NDRG1: variants seen among roughly 807,000 people sequenced by gnomAD.
The protein encoded by NDRG1 is protein NDRG1.
Under a neutral mutation model 56.9 loss-of-function variants are expected in NDRG1, and 32 were observed. That is an observed-to-expected ratio of 0.56 (90% CI 0.42 to 0.76). NDRG1 has a LOEUF of 0.76. NDRG1 is among the 30% of genes least tolerant of loss of function. The pLI, the probability that NDRG1 is intolerant of heterozygous loss-of-function variation, is 0.00. For synonymous variants in NDRG1, 211 were observed against 204.1 expected (o/e 1.03, Z -0.29); for missense variants, 507 against 545.7 (o/e 0.93, Z 0.71).
Position 133,238,552 on chromosome 8 carries a change from T to G in NDRG1, c.*326A>C. 2.5e-6 allele frequency: 1 copy of G among 393,702 alleles called. No individual in the cohort carries two copies. Among genetic ancestry groups the G allele is most frequent in the Non-Finnish European group, 4.6e-6 (1 of 218,418 alleles). The allele number at this position is 393,702 out of a possible 1,614,324, so 24.4% of individuals were successfully genotyped here. A position where few individuals can be genotyped will look rare whatever the true frequency, so the allele number is the denominator to read the frequency against. ...TCAGGGCGGCCTAGGCTTGGCTTTG[T>G]GAAGTGTGTGCTGCTACGCGTCTTG... is the stretch of plus-strand genomic sequence containing the variant. On this transcript the variant is annotated 3_prime_UTR_variant, in exon 16 of 16. Transcript: ENST00000323851.
At chr8:133,294,614 C>T (rs1259460635) in intron 1 of NDRG1, among the ~76,000 whole-genome samples, 1 of 151,652 alleles carries the variant, frequency 6.6e-6, no homozygotes, top group African/African-American at 2.4e-5. Context: ...TTCAGGCCAG[C>T]GGATTTCAAC....
intron 9 of NDRG1, among the ~76,000 whole-genome samples, chr8:133,254,239 G>A (rs190824543): frequency 1.3e-5 from 2 of 152,322 alleles, no homozygotes; most frequent in African/African-American, 2.4e-5. Flanking sequence ...TGATGGAGAC[G>A]TTATTCTCCT....
At chr8:133,296,515 G>A (rs1451337724) in intron 1 of NDRG1, 1 of 455,492 alleles carries the variant, frequency 2.2e-6, no homozygotes, top group South Asian at 1.6e-5. Flanking sequence ...CATGCACACC[G>A]CCCTGTGTGT....
In NDRG1 at chr8:133,238,591, G is replaced by C. The variant is rs1461515970; in HGVS notation, c.*287C>G. The C allele has an allele frequency of 1.9e-6, 1 of 515,568 alleles. No homozygotes were observed. The highest frequency in any genetic ancestry group is 3.4e-6 in the Non-Finnish European group (1 of 290,172). 31.9% of individuals were successfully genotyped at this position (515,568 alleles called of 1,614,324 possible). A position where few individuals can be genotyped will look rare whatever the true frequency, so the allele number is the denominator to read the frequency against. On this transcript the variant is annotated 3_prime_UTR_variant, in exon 16 of 16. Coordinates refer to ENST00000323851, the MANE Select transcript of NDRG1 (RefSeq NM_006096.4). ...CTACGCGTCTTGTTTTTGGCAGTTTGGTGTCTCTGAGGGAGGGGAGGAGAG... is the reference window on the plus strand; with the variant it reads ...CTACGCGTCTTGTTTTTGGCAGTTTCGTGTCTCTGAGGGAGGGGAGGAGAG...
intron 15 of NDRG1, chr8:133,239,418 T>G (rs1415268125): frequency 3.5e-6 from 2 of 567,230 alleles, no homozygotes; most frequent in Admixed American, 6.1e-5. Context: ...AGTGTCCCCC[T>G]GAGCCTCCCT....
chr8:133,257,935 G>A (rs1276481706), intron 7 of NDRG1, among the ~76,000 whole-genome samples: 1 of 152,118 alleles, frequency 6.6e-6, no homozygotes, highest in Non-Finnish European at 1.5e-5. Context: ...AGGATACAAA[G>A]GAACAGTGGC....
intron 3 of NDRG1, among the ~76,000 whole-genome samples, chr8:133,267,237 C>T (rs898858530): frequency 3.9e-5 from 6 of 152,194 alleles, no homozygotes; most frequent in South Asian, 2.1e-4. Context: ...CCACTTCACT[C>T]GCCTGCCCTG....
chr8:133,263,347 C>T (rs1856751151), intron 4 of NDRG1, among the ~76,000 whole-genome samples: 1 of 152,148 alleles, frequency 6.6e-6, no homozygotes, highest in African/African-American at 2.4e-5. Context: ...GAAAATCAGG[C>T]AGTCCATCGT....
chr8:133,259,806 G>A (rs182083608), intron 5 of NDRG1, among the ~76,000 whole-genome samples: 11 of 152,282 alleles, frequency 7.2e-5, no homozygotes, highest in East Asian at 1.9e-4. Flanking sequence ...GCCAGCCCTC[G>A]AGTCAACAGA....
intron 3 of NDRG1, among the ~76,000 whole-genome samples, chr8:133,276,016 G>C (rs1857437844): frequency 6.6e-6 from 1 of 152,206 alleles, no homozygotes; most frequent in Non-Finnish European, 1.5e-5. Flanking sequence ...GTGGGCATTT[G>C]TTAAAGAAAT....
chr8:133,257,595 C>G (rs1023695480), intron 7 of NDRG1, among the ~76,000 whole-genome samples: 1 of 152,232 alleles, frequency 6.6e-6, no homozygotes. Flanking sequence ...AAAAATGGTA[C>G]AGTAAAAATG....
intron 14 of NDRG1, among the ~76,000 whole-genome samples, chr8:133,242,766 TA>T (rs754212283): frequency 2.1e-5 from 3 of 141,786 alleles, no homozygotes; most frequent in African/African-American, 8.1e-5. Context: ...AAAGATGGAT[TA>T]AAAAAAGAAT....
chr8:133,265,126 C>T (rs980376685), intron 3 of NDRG1: 8 of 242,796 alleles, frequency 3.3e-5, no homozygotes, highest in Middle Eastern at 1.6e-3. Flanking sequence ...CAACCCTCAC[C>T]CTCAGTCCTA....
intron 5 of NDRG1, 52 bp from the exon 6 acceptor site, chr8:133,259,282 A>G: frequency 6.4e-7 from 1 of 1,560,552 alleles, no homozygotes; most frequent in African/African-American, 1.4e-5. Flanking sequence ...GAAACGGGTA[A>G]TCCAAACAGG....
intron 4 of NDRG1, among the ~76,000 whole-genome samples, chr8:133,263,871 G>A (rs1213253579): frequency 6.2e-5 from 9 of 144,134 alleles, no homozygotes; most frequent in African/African-American, 1.3e-4. Flanking sequence ...AGCCACGATC[G>A]CACCACTGCA....
rs565272123 is a variant in NDRG1 at position 133,274,019 on chromosome 8, C to T, written c.99+6213G>A. Among the ~76,000 whole-genome samples, 7 of 152,340 alleles carry T rather than the reference C, an allele frequency of 4.6e-5. No homozygotes were observed. In the South Asian group the frequency reaches 1.0e-3, roughly 23 times the overall value. On this transcript the variant is annotated intron_variant, in intron 3 of 15. Transcript: ENST00000323851. ...AACCCGGACACCTAGGCCAGCAGCC[C>T]GCCCACCCCGTGCCCTGAGGGTTCT...
rs2272653 is a variant in NDRG1, at chr8:133,280,273, A to G, written c.64-6T>C. 0.57 allele frequency: 915,069 copies of G among 1,612,932 alleles called. 265,351 individuals are homozygous for G. Among genetic ancestry groups the G allele is most frequent in the African/African-American group, 0.87 (65,211 of 74,968 alleles). On this transcript the variant is annotated splice_polypyrimidine_tract_variant and splice_region_variant and intron_variant, in intron 2 of 15. Transcript: ENST00000323851. ...TGCAGGAGGCCGGTGATGGTCTGTG[A>G]AAAGACAAAAAAAATTGTCAATTTC... is the stretch of plus-strand genomic sequence containing the variant.
intron 3 of NDRG1, among the ~76,000 whole-genome samples, chr8:133,274,779 G>C (rs189697626): frequency 6.6e-6 from 1 of 152,154 alleles, no homozygotes; most frequent in African/African-American, 2.4e-5. Flanking sequence ...CAAGCATCAC[G>C]GTTGAGAGAA....
At chr8:133,296,017 G>A (rs1858729516) in intron 1 of NDRG1, among the ~76,000 whole-genome samples, 1 of 151,910 alleles carries the variant, frequency 6.6e-6, no homozygotes, top group Non-Finnish European at 1.5e-5. Context: ...ACAGGCGGGG[G>A]ATATGGGGGA....
Sources: allele counts gnomAD v4.1 joint callset (sites outside exome capture counted in the v4.1 genomes callset), GRCh38; gene constraint gnomAD v4.1.1; transcripts MANE v1.5; gene names NCBI Gene and HGNC (gene_info 2026-07-23, HGNC 2026-07-21).